SZT2: variants seen among roughly 807,000 people sequenced by gnomAD.
SZT2 encodes the protein KICSTOR complex protein SZT2.
Under a neutral mutation model 404.2 loss-of-function variants are expected in SZT2, and 216 were observed. The ratio of observed to expected loss-of-function variants is 0.53; its 90% CI spans 0.48 to 0.60. The LOEUF (loss-of-function observed/expected upper bound fraction) is 0.60. Ranked by LOEUF, SZT2 falls within the 20% of genes least tolerant of loss-of-function variation. SZT2 has a pLI of 0.00. For synonymous variants in SZT2, 1,693 were observed against 1,749.9 expected (o/e 0.97, Z 0.81); for missense variants, 3,857 against 4,459.2 (o/e 0.86, Z 3.85).
At position 43,453,484 on chromosome 1, in the gene SZT2, C is replaced by T. The variant is rs773859072; in HGVS notation, c.*3004C>T. On this transcript the variant is annotated 3_prime_UTR_variant, in exon 72 of 72. Coordinates refer to ENST00000634258, the MANE Select transcript of SZT2 (RefSeq NM_001365999.1). ...GGACGGCCCCCAGCCCCATTTCCCC[C>T]TTCTCTTGGTCTCCTGCAGAGAGAA... 2 of 1,557,770 alleles carry T rather than the reference C, an allele frequency of 1.3e-6. No individual in the cohort carries two copies. Among genetic ancestry groups the T allele is most frequent in the Non-Finnish European group, 1.7e-6 (2 of 1,149,950 alleles).
At chr1:43,428,591 C>T in intron 28 of SZT2, 105 bp downstream of exon 28, 1 of 1,468,640 alleles carries the variant, frequency 6.8e-7, no homozygotes, top group Non-Finnish European at 9.1e-7. Flanking sequence ...AGTATCTAAG[C>T]ACCTGAGAAG....
At chr1:43,404,661 G>A (rs1650082811) in intron 4 of SZT2, 111 bp downstream of exon 4, 1 of 1,181,930 alleles carries the variant, frequency 8.5e-7, no homozygotes, top group Non-Finnish European at 1.2e-6. Context: ...GAGCTCTGCT[G>A]GCTTCTTGAA....
At position 43,437,919 on chromosome 1, in the gene SZT2, G is replaced by A. The variant is rs1040608323; in HGVS notation, c.6508+17G>A. On this transcript the variant is annotated intron_variant, in intron 46 of 71. Transcript: ENST00000634258. This position sits in a 1 kb window ranked among gnomAD's most constrained non-coding sequence, Gnocchi z 5.3. ...GGCAGGCAGGTAAGGTCTGAGGAGG[G>A]GGTAGGGGAGTCGCCACATGAGGTT... The A allele has an allele frequency of 1.2e-6, 2 of 1,613,336 alleles. No homozygotes were observed. Among genetic ancestry groups the A allele is most frequent in the South Asian group, 1.1e-5 (1 of 91,068 alleles).
Position 43,428,444 on chromosome 1 carries a change from G to A in SZT2, c.4124G>A (p.Gly1375Asp), listed in dbSNP as rs751506773. 9 of 1,614,152 alleles carry A rather than the reference G, an allele frequency of 5.6e-6. No individual in the cohort carries two copies. Among genetic ancestry groups the A allele is most frequent in the Non-Finnish European group, 7.6e-6 (9 of 1,180,026 alleles). Residue 1375 changes from glycine (G) to aspartate (D), a missense_variant, in exon 28 of 72, where the codon GGT (glycine) becomes GAT (aspartate). By Grantham distance (94) the Gly-to-Asp change is moderately conservative. Around this residue, in one of 7 missense-constraint regions of SZT2, gnomAD observed 1,725 missense variants for 1,881.0 expected, o/e 0.92. Coordinates refer to ENST00000634258, the MANE Select transcript of SZT2 (RefSeq NM_001365999.1). ...PGPFSSSMEE[G>D]AEPRERAILA... is the part of the protein sequence containing the mutation. ...CCCTTCAGCAGCAGCATGGAGGAGG[G>A]TGCTGAACCTCGGGAACGAGCTATC...
Position 43,446,245 on chromosome 1 carries a change from G to A in SZT2, c.8983G>A (p.Glu2995Lys), listed in dbSNP as rs1655656845. The change falls in exon 64 of 72, where the codon GAA (glutamate) becomes AAA (lysine). Residue 2995 changes from glutamate (E) to lysine (K), a missense_variant. Glu to Lys is a moderately conservative substitution (Grantham distance 56, BLOSUM62 1). Coordinates refer to ENST00000634258, the MANE Select transcript of SZT2 (RefSeq NM_001365999.1). Reference sequence around the variant, plus strand: ...ACTGCCTGGGGGCATCATCCTCATGGAACTGGCATTCCAGGTAAGCAGGAG... The same window carrying A: ...ACTGCCTGGGGGCATCATCCTCATGAAACTGGCATTCCAGGTAAGCAGGAG... ...RALPGGIILM[E>K]LAFQGCYFCV... 6.2e-7 allele frequency: 1 copy of A among 1,614,132 alleles called. No homozygotes were observed. The highest frequency in any genetic ancestry group is 1.3e-5 in the African/African-American group (1 of 74,944).
intron 1 of SZT2, 130 bp from the exon 2 acceptor site, chr1:43,403,046 AC>A: frequency 1.0e-6 from 1 of 991,836 alleles, no homozygotes; most frequent in Non-Finnish European, 1.5e-6. Context: ...GTTGGGGTAA[AC>A]TTTTCACTTC....
At chr1:43,397,075 A>G (rs974130805) in intron 1 of SZT2, among the ~76,000 whole-genome samples, 10 of 152,228 alleles carry the variant, frequency 6.6e-5, no homozygotes, top group African/African-American at 2.2e-4. Context: ...CATGTATTCA[A>G]CAGTTATTAT....
At chr1:43,405,409 C>A (rs1650185675) in intron 4 of SZT2, 1 of 152,138 alleles carries the variant, frequency 6.6e-6, no homozygotes, top group Non-Finnish European at 1.5e-5. Context: ...GAGGCTATCA[C>A]AAGACACTCC....
intron 40 of SZT2, among the ~76,000 whole-genome samples, chr1:43,434,184 T>C (rs1348976646): frequency 6.6e-6 from 1 of 152,202 alleles, no homozygotes; most frequent in African/African-American, 2.4e-5. Context: ...GAACTGCTCT[T>C]GAGAATTCCG....
chr1:43,389,915 G>T lies in SZT2; in HGVS notation c.-54G>T. 6.5e-7 allele frequency: 1 copy of T among 1,538,820 alleles called. No homozygotes were observed. ...CTGGGTGCCGAGGTAGCGAGGTCAGGGGTCAAGAGTGGAACACCCTCACTG... is the reference window on the plus strand; with the variant it reads ...CTGGGTGCCGAGGTAGCGAGGTCAGTGGTCAAGAGTGGAACACCCTCACTG... On this transcript the variant is annotated 5_prime_UTR_variant, in exon 1 of 72. Coordinates refer to ENST00000634258, the MANE Select transcript of SZT2 (RefSeq NM_001365999.1).
At chr1:43,443,868 C>G (rs1038078946) in intron 62 of SZT2, 72 bp downstream of exon 62, 1 of 1,583,002 alleles carries the variant, frequency 6.3e-7, no homozygotes, top group African/African-American at 1.3e-5. Context: ...GGCCCTTCCT[C>G]TCTTTACAAG....
At position 43,448,597 on chromosome 1, in the gene SZT2, T is replaced by C. The variant is rs373864242; in HGVS notation, c.9970-15T>C. ...GACTGGCACAGAAGACTCAGGCCTG[T>C]GGCTCCTCCCTCAGGACTGCTTCCT... is the stretch of plus-strand genomic sequence containing the variant. On this transcript the variant is annotated splice_polypyrimidine_tract_variant and intron_variant, in intron 69 of 71. Coordinates refer to ENST00000634258, the MANE Select transcript of SZT2 (RefSeq NM_001365999.1). The surrounding 1 kb of genome is among the most constrained non-coding windows in gnomAD (Gnocchi z 4.2). 169 of 1,613,848 alleles carry C rather than the reference T, an allele frequency of 1.0e-4. No homozygotes were observed. The African/African-American group carries it at 2.1e-3, about 20-fold the overall frequency.
chr1:43,436,373 C>T (rs779733718), intron 42 of SZT2: 1 of 152,182 alleles, frequency 6.6e-6, no homozygotes, highest in Non-Finnish European at 1.5e-5. Context: ...TGAAGATGAG[C>T]TAGGACAGGT....
intron 4 of SZT2, chr1:43,409,782 T>G (rs1329447007): frequency 5.9e-6 from 1 of 170,692 alleles, no homozygotes; most frequent in Non-Finnish European, 1.3e-5. Context: ...ATTGGAATGA[T>G]ATTCCATGTT....
Position 43,420,639 on chromosome 1 carries a change from C to T in SZT2, c.1262-110C>T. On this transcript the variant is annotated intron_variant, in intron 9 of 71. Coordinates refer to ENST00000634258, the MANE Select transcript of SZT2 (RefSeq NM_001365999.1). The surrounding 1 kb of genome is among the most constrained non-coding windows in gnomAD (Gnocchi z 5.1). Reference sequence around the variant, plus strand: ...GAAACCTGTGGAACCATGCTTGGAACCTTTGGCAGGACTGGGTTCCATGAG... The same window carrying T: ...GAAACCTGTGGAACCATGCTTGGAATCTTTGGCAGGACTGGGTTCCATGAG... 1 of 1,104,506 alleles carries T rather than the reference C, an allele frequency of 9.1e-7. No individual in the cohort carries two copies. The highest frequency in any genetic ancestry group is 1.3e-6 in the Non-Finnish European group (1 of 778,232). The allele number at this position is 1,104,506 out of a possible 1,614,324, so 68.4% of individuals were successfully genotyped here. A position where few individuals can be genotyped will look rare whatever the true frequency, so the allele number is the denominator to read the frequency against.
rs1394218438 is a variant in SZT2, at chr1:43,441,686, G to A, written c.7610G>A (p.Gly2537Asp). The A allele has an allele frequency of 6.2e-7, 1 of 1,614,140 alleles. No homozygotes were observed. The highest frequency in any genetic ancestry group is 2.2e-5 in the East Asian group (1 of 44,874). The change falls in exon 55 of 72, where the codon GGT becomes GAT. Residue 2537 changes from glycine to aspartate, a missense_variant and splice_region_variant. Around this residue, in one of 7 missense-constraint regions of SZT2, gnomAD observed 573 missense variants for 592.4 expected, o/e 0.97. Coordinates refer to ENST00000634258, the MANE Select transcript of SZT2 (RefSeq NM_001365999.1). The surrounding 1 kb of genome is among the most constrained non-coding windows in gnomAD (Gnocchi z 4.8). ...CCACAGTGACTCCTCTGCCTCCTAG[G>A]TTGTGCCTCAGTGTCCAGAAGCTCT... ...QRWMEFMVQI[G>D]CASVSRSSAH...
intron 1 of SZT2, among the ~76,000 whole-genome samples, chr1:43,390,586 A>C (rs1007100218): frequency 1.3e-5 from 2 of 152,258 alleles, no homozygotes; most frequent in Non-Finnish European, 2.9e-5. Context: ...AATCACATGT[A>C]ATAAACCAGA....
In SZT2 at chr1:43,430,771, A is replaced by G. The variant is rs1306473188; in HGVS notation, c.4756A>G (p.Ser1586Gly). ...GCAGCACAGCTCAGTACCTGTGTGC[A>G]GCCTGCCTACCTGCCTGGGTGAGTT... is the stretch of plus-strand genomic sequence containing the variant. ...RGQHSSVPVC[S>G]LPTCLGQVLS... The change falls in exon 32 of 72, where the codon AGC becomes GGC. Residue 1586 changes from serine (S) to glycine (G), a missense_variant. Ser to Gly is a moderately conservative substitution (Grantham distance 56). Transcript: ENST00000634258. 3 of 1,609,768 alleles carry G rather than the reference A, an allele frequency of 1.9e-6. No homozygotes were observed. The African/African-American group carries it at 4.0e-5, about 21-fold the overall frequency.
At chr1:43,414,762 T>C (rs1211420097) in intron 4 of SZT2, among the ~76,000 whole-genome samples, 1 of 152,208 alleles carries the variant, frequency 6.6e-6, no homozygotes, top group Non-Finnish European at 1.5e-5. Flanking sequence ...TAAGACATCC[T>C]GTAGGCCAAG....
Sources: allele counts gnomAD v4.1 joint callset (sites outside exome capture counted in the v4.1 genomes callset), GRCh38; gene constraint gnomAD v4.1.1; regional missense constraint gnomAD v4.1.1; non-coding constraint Gnocchi (gnomAD v3.1); transcripts MANE v1.5; gene names NCBI Gene and HGNC (gene_info 2026-07-23, HGNC 2026-07-21).